Variants in CELF2 observed in about 807,000 individuals in gnomAD.
The protein encoded by CELF2 is CUG triplet repeat RNA-binding protein 2.
Under a neutral mutation model 62.6 loss-of-function variants are expected in CELF2, and 8 were observed. The ratio of observed to expected loss-of-function variants is 0.13; its 90% CI spans 0.07 to 0.23. The LOEUF is 0.23. Among genes scored for constraint, CELF2 ranks in the 10% least tolerant of loss-of-function variants. The probability of loss-of-function intolerance (pLI) is 1.00; values close to 1 mark genes in which losing one functional copy is unlikely to be tolerated. For missense variants in CELF2, 333 were observed against 671.0 expected (o/e 0.50, Z 5.56); for synonymous variants, 258 against 250.0 (o/e 1.03, Z -0.30).
chr10:11,130,246 T>C (rs1282220487), intron 1 of CELF2, among the ~76,000 whole-genome samples: 1 of 152,214 alleles, frequency 6.6e-6, no homozygotes, highest in Non-Finnish European at 1.5e-5. Flanking sequence ...AACAGTTTGT[T>C]GTAATTTCTG....
intron 9 of CELF2, among the ~76,000 whole-genome samples, chr10:11,291,495 G>A (rs981048409): frequency 3.9e-5 from 6 of 152,178 alleles, no homozygotes; most frequent in Non-Finnish European, 8.8e-5. Flanking sequence ...GTTAAAATAA[G>A]TGTTTCGTGC....
chr10:11,076,721 A>G (rs1412549834), intron 1 of CELF2, among the ~76,000 whole-genome samples: 1 of 152,188 alleles, frequency 6.6e-6, no homozygotes, highest in Non-Finnish European at 1.5e-5. Context: ...GTTTATAGTC[A>G]AAGAAGCATT....
chr10:11,140,670 C>G (rs895609818), intron 1 of CELF2, among the ~76,000 whole-genome samples: 11 of 152,120 alleles, frequency 7.2e-5, no homozygotes, highest in Non-Finnish European at 1.6e-4. Flanking sequence ...TTAATACTCT[C>G]AAATTTGTTA....
intron 2 of CELF2, among the ~76,000 whole-genome samples, chr10:11,184,598 T>C (rs1040539202): frequency 2.0e-5 from 3 of 152,244 alleles, no homozygotes; most frequent in Admixed American, 2.0e-4. Flanking sequence ...TGGTTTGCCA[T>C]GAACAGGACC....
intron 2 of CELF2, among the ~76,000 whole-genome samples, chr10:11,166,610 C>T (rs1386130952): frequency 6.6e-6 from 1 of 152,174 alleles, no homozygotes; most frequent in Admixed American, 6.5e-5. Context: ...GAGGAGTCCT[C>T]TCTGTTGTTC....
the CELF2 span, among the ~76,000 whole-genome samples, chr10:10,788,522 G>T: frequency 7.2e-6 from 1 of 138,064 alleles, no homozygotes; most frequent in Admixed American, 8.2e-5. Context: ...GAGTGCAGTG[G>T]TGCAGTCCTG....
At chr10:10,891,721 G>T (rs2062158809) in intron 1 of CELF2, among the ~76,000 whole-genome samples, 1 of 152,172 alleles carries the variant, frequency 6.6e-6, no homozygotes, top group South Asian at 2.1e-4. Flanking sequence ...CAGACTGGAT[G>T]GATTTACAGA....
At chr10:11,261,607 T>C (rs1162600941) in intron 5 of CELF2, among the ~76,000 whole-genome samples, 1 of 152,220 alleles carries the variant, frequency 6.6e-6, no homozygotes, top group Admixed American at 6.5e-5. Flanking sequence ...CCAAGGACTC[T>C]TCCTGGCTTG....
the CELF2 span, among the ~76,000 whole-genome samples, chr10:10,713,823 T>G: frequency 9.9e-5 from 15 of 152,206 alleles, no homozygotes; most frequent in Middle Eastern, 3.4e-3. Flanking sequence ...TCACTTGAGA[T>G]CAGGAGTTCG....
chr10:11,021,095 T>G (rs1277829326), intron 1 of CELF2, among the ~76,000 whole-genome samples: 4 of 152,200 alleles, frequency 2.6e-5, no homozygotes, highest in Non-Finnish European at 5.9e-5. Flanking sequence ...CCTCCTTTGA[T>G]TCACCTTTTT....
At position 11,177,967 on chromosome 10, in the gene CELF2, G is replaced by A. The variant is rs988210502; in HGVS notation, c.271+12285G>A. 6.6e-6 allele frequency among the ~76,000 whole-genome samples: 1 copy of A among 152,188 alleles called. No homozygotes were observed. Among genetic ancestry groups the A allele is most frequent in the Non-Finnish European group, 1.5e-5 (1 of 68,020 alleles). On this transcript the variant is annotated intron_variant, in intron 2 of 12. Transcript: ENST00000633077. This position sits in a 1 kb window ranked among gnomAD's most constrained non-coding sequence, Gnocchi z 4.8. ...CAGCCCCTGTGAGGCTCAGTAAGCC[G>A]CAGCCTAGATTGGAACAGCGTGACT...
intron 1 of CELF2, among the ~76,000 whole-genome samples, chr10:10,893,243 C>A (rs1213892920): frequency 6.6e-6 from 1 of 152,154 alleles, no homozygotes; most frequent in East Asian, 1.9e-4. Flanking sequence ...TCAGTCAAGG[C>A]CACACAGCAA....
At chr10:10,991,874 C>T (rs745772126) in intron 2 of CELF2, among the ~76,000 whole-genome samples, 2 of 152,200 alleles carry the variant, frequency 1.3e-5, no homozygotes, top group Non-Finnish European at 2.9e-5. Context: ...CCATCCTACA[C>T]TCATCTATCA....
the CELF2 span, among the ~76,000 whole-genome samples, chr10:10,737,697 G>T: frequency 6.6e-6 from 1 of 151,642 alleles, no homozygotes; most frequent in African/African-American, 2.4e-5. Flanking sequence ...CCACCTTCTG[G>T]GTTTCCTCAC....
In CELF2 at chr10:11,106,241, T is replaced by G. The variant is rs1223301792; in HGVS notation, c.75-59245T>G. ...TTTATTTATTTATTTATTTATTTATTTATTTATTTTTGAGATGGAGTCTTG... is the reference window on the plus strand; with the variant it reads ...TTTATTTATTTATTTATTTATTTATGTATTTATTTTTGAGATGGAGTCTTG... On this transcript the variant is annotated intron_variant, in intron 1 of 12. Transcript: ENST00000633077. 1.3e-5 allele frequency among the ~76,000 whole-genome samples: 2 copies of G among 150,778 alleles called. 1 individual carries two copies. The highest frequency in any genetic ancestry group is 4.9e-5 in the African/African-American group (2 of 40,864).
the CELF2 span, among the ~76,000 whole-genome samples, chr10:10,568,540 C>A: frequency 6.6e-6 from 1 of 152,094 alleles, no homozygotes; most frequent in African/African-American, 2.4e-5. Context: ...GTTTGCTCAC[C>A]CTTCGTTTAG....
At chr10:10,999,074 C>G (rs1000186594) in intron 2 of CELF2, among the ~76,000 whole-genome samples, 30 of 152,160 alleles carry the variant, frequency 2.0e-4, no homozygotes, top group African/African-American at 7.2e-4. Context: ...AGGAATGTAT[C>G]AAATCCTTAA....
intron 3 of CELF2, among the ~76,000 whole-genome samples, chr10:11,221,963 C>T (rs111872545): frequency 8.5e-5 from 13 of 152,320 alleles, no homozygotes; most frequent in East Asian, 3.9e-4. Context: ...CTGATCCAAT[C>T]GGAGGAGGCA....
the CELF2 span, among the ~76,000 whole-genome samples, chr10:10,724,248 G>C: frequency 2.0e-5 from 3 of 152,142 alleles, no homozygotes; most frequent in Non-Finnish European, 2.9e-5. Flanking sequence ...GGACAAATTT[G>C]GGGTATTCAT....
Sources: gnomAD v4.1 joint callset for allele counts (sites outside exome capture counted in the v4.1 genomes callset) on GRCh38, gnomAD v4.1.1 for gene constraint, Gnocchi (gnomAD v3.1) non-coding constraint, MANE v1.5 for transcripts, NCBI Gene and HGNC (gene_info 2026-07-23, HGNC 2026-07-21) for gene names.